Variants in SGCZ observed in about 807,000 individuals in gnomAD.
SGCZ encodes zeta-sarcoglycan.
In SGCZ, 40 loss-of-function variants were observed where a neutral mutation model predicts 41.3. That is an observed-to-expected ratio of 0.97 (90% CI 0.75 to 1.26). The LOEUF is 1.26. SGCZ is among the 50% of genes most tolerant of loss of function. SGCZ has a pLI of 0.00. For synonymous variants in SGCZ, 206 were observed against 137.5 expected, an observed-to-expected ratio of 1.50 and a Z score of -3.49; for missense variants, 552 against 369.8, an observed-to-expected ratio of 1.49 and a Z score of -4.04.
At chr8:14,223,239 A>G (rs1403901048) in intron 4 of SGCZ, among the ~76,000 whole-genome samples, 2 of 152,166 alleles carry the variant, frequency 1.3e-5, no homozygotes, top group South Asian at 2.1e-4. Flanking sequence ...ACACTGTACT[A>G]ATGATTGTGC....
intron 1 of SGCZ, among the ~76,000 whole-genome samples, chr8:14,735,542 C>G (rs1465655715): frequency 3.3e-5 from 5 of 152,114 alleles, no homozygotes; most frequent in Non-Finnish European, 5.9e-5. Context: ...GGCCTTTGGC[C>G]ACAGACTGAT....
At chr8:14,384,900 G>C (rs1216045941) in intron 2 of SGCZ, among the ~76,000 whole-genome samples, 3 of 152,194 alleles carry the variant, frequency 2.0e-5, no homozygotes, top group Non-Finnish European at 2.9e-5. Flanking sequence ...TCCCAGTTGA[G>C]CAAAATTAAT....
intron 1 of SGCZ, among the ~76,000 whole-genome samples, chr8:14,713,491 A>G (rs983523001): frequency 6.6e-6 from 1 of 152,178 alleles, no homozygotes; most frequent in Admixed American, 6.6e-5. Context: ...AAATACTAGG[A>G]TAAAACTGAC....
intron 2 of SGCZ, among the ~76,000 whole-genome samples, chr8:14,519,439 C>G (rs989201414): frequency 2.0e-5 from 3 of 152,072 alleles, no homozygotes; most frequent in African/African-American, 7.2e-5. Flanking sequence ...CTAATTAACT[C>G]TCTACTTTTA....
chr8:15,163,399 C>A (rs2117045786), intron 1 of SGCZ, among the ~76,000 whole-genome samples: 1 of 152,312 alleles, frequency 6.6e-6, no homozygotes, highest in African/African-American at 2.4e-5. Flanking sequence ...ATGCTGTTTA[C>A]CATTACGCTA....
chr8:14,377,019 A>G (rs963104359), intron 2 of SGCZ, among the ~76,000 whole-genome samples: 6 of 152,294 alleles, frequency 3.9e-5, no homozygotes, highest in East Asian at 1.9e-4. Flanking sequence ...GTTATACACA[A>G]TAAACCCCTT....
At chr8:14,216,869 T>G (rs1448995708) in intron 4 of SGCZ, among the ~76,000 whole-genome samples, 1 of 152,040 alleles carries the variant, frequency 6.6e-6, no homozygotes, top group East Asian at 1.9e-4. Context: ...TTCAGCAAAA[T>G]AAGGCAAGGA....
In SGCZ at chr8:14,829,456, A is replaced by G. The variant is rs557726053; in HGVS notation, c.40-274530T>C. Among the ~76,000 whole-genome samples, 14 of 152,288 alleles carry G rather than the reference A, an allele frequency of 9.2e-5. No individual in the cohort carries two copies. In the South Asian group the frequency reaches 2.7e-3, roughly 29 times the overall value. The stretch of plus-strand genomic sequence containing the variant: ...CTTTATCTTTTAATTCAATTTTTCC[A>G]TGAACTTCTTGAAGTCCCCTTGTAA... On this transcript the variant is annotated intron_variant, in intron 1 of 7. Coordinates refer to ENST00000382080, the MANE Select transcript of SGCZ (RefSeq NM_139167.4).
chr8:14,755,042 C>T (rs561447440), intron 1 of SGCZ, among the ~76,000 whole-genome samples: 4 of 152,092 alleles, frequency 2.6e-5, no homozygotes, highest in African/African-American at 4.8e-5. Context: ...GATTTCTCAA[C>T]ATAGTTTTAA....
At position 15,198,350 on chromosome 8, in the gene SGCZ, T is replaced by C. The variant is rs4831327; in HGVS notation, c.39+39235A>G. Among the ~76,000 whole-genome samples the C allele has an allele frequency of 4.1e-3, 628 of 152,094 alleles. 5 individuals carry two copies. The highest frequency in any genetic ancestry group is 0.015 in the African/African-American group (604 of 41,542). On this transcript the variant is annotated intron_variant, in intron 1 of 7. Coordinates refer to ENST00000382080, the MANE Select transcript of SGCZ (RefSeq NM_139167.4). ...ACAAGGGAAAACATCAAATTAAAAG[T>C]TTCTCATGATTCTTTTATATAATAA...
intron 2 of SGCZ, among the ~76,000 whole-genome samples, chr8:14,503,624 T>C (rs1470655877): frequency 1.3e-5 from 2 of 151,848 alleles, no homozygotes; most frequent in Admixed American, 6.6e-5. Context: ...AAAAATTAGC[T>C]GGGCGTGGTG....
intron 1 of SGCZ, among the ~76,000 whole-genome samples, chr8:14,789,211 C>A (rs1434645421): frequency 6.6e-6 from 1 of 151,838 alleles, no homozygotes; most frequent in African/African-American, 2.4e-5. Flanking sequence ...CCACCAGGAG[C>A]ACAAGATGCA....
chr8:15,086,081 A>G (rs1274215671), intron 1 of SGCZ, among the ~76,000 whole-genome samples: 1 of 152,222 alleles, frequency 6.6e-6, no homozygotes, highest in Non-Finnish European at 1.5e-5. Context: ...TGGATATTGC[A>G]TAATAAAATC....
Position 14,945,165 on chromosome 8 carries a change from TG to T in SGCZ, c.39+292419del, listed in dbSNP as rs796836743. ...TTAGGCAATGTTGTGTGTGGGTGGG[TG>T]GGGGGGGTGGGCGGGGACAGAGTAA... On this transcript the variant is annotated intron_variant, in intron 1 of 7. Transcript: ENST00000382080. Among the ~76,000 whole-genome samples the T allele has an allele frequency of 2.7e-3, 47 of 17,708 alleles. No individual in the cohort carries two copies. The East Asian group carries it at 0.056, about 21-fold the overall frequency. The allele number at this position is 17,708 out of a possible 152,430, so 11.6% of individuals were successfully genotyped here.
At chr8:15,001,885 A>G (rs1201964125) in intron 1 of SGCZ, among the ~76,000 whole-genome samples, 1 of 152,126 alleles carries the variant, frequency 6.6e-6, no homozygotes, top group Non-Finnish European at 1.5e-5. Flanking sequence ...TCCCAGCTGC[A>G]TGGTTAGTAA....
intron 1 of SGCZ, among the ~76,000 whole-genome samples, chr8:15,116,324 T>C (rs1481614772): frequency 6.6e-6 from 1 of 152,248 alleles, no homozygotes. Flanking sequence ...TGGGTTATTA[T>C]GAACTTTCTG....
chr8:14,543,928 T>A (rs1803545031), intron 2 of SGCZ, among the ~76,000 whole-genome samples: 1 of 152,100 alleles, frequency 6.6e-6, no homozygotes. Context: ...TAAATACTCT[T>A]AGAGATGTGT....
At position 15,234,387 on chromosome 8, in the gene SGCZ, A is replaced by G. The variant is rs113295015; in HGVS notation, c.39+3198T>C. Among the ~76,000 whole-genome samples, 348 of 152,310 alleles carry G rather than the reference A, an allele frequency of 2.3e-3. 3 individuals carry two copies. The highest frequency in any genetic ancestry group is 7.5e-3 in the African/African-American group (311 of 41,574). On this transcript the variant is annotated intron_variant, in intron 1 of 7. Transcript: ENST00000382080. ...TTGATGTTTCTTCTTTAAAGTAAAC[A>G]CCAGGGCAAAATCCAGAGTAAAGTT...
intron 1 of SGCZ, among the ~76,000 whole-genome samples, chr8:14,812,342 G>T (rs894357015): frequency 4.6e-5 from 7 of 151,884 alleles, no homozygotes; most frequent in Non-Finnish European, 7.4e-5. Context: ...AAACATAGTT[G>T]GCAATAAATT....
Sources: allele counts gnomAD v4.1 joint callset (sites outside exome capture counted in the v4.1 genomes callset), GRCh38; gene constraint gnomAD v4.1.1; transcripts MANE v1.5; gene names NCBI Gene and HGNC (gene_info 2026-07-23, HGNC 2026-07-21).